ACTR3C: variants seen among roughly 807,000 people sequenced by gnomAD.
The protein encoded by ACTR3C is actin related protein 3C, also known as actin-related protein 3C.
In ACTR3C, 18 loss-of-function variants were observed where a neutral mutation model predicts 26.3. The ratio of observed to expected loss-of-function variants is 0.68; its 90% CI spans 0.47 to 1.01. The LOEUF (loss-of-function observed/expected upper bound fraction) is 1.01, where lower values mean the gene tolerates loss of function less well. Among genes scored for constraint, ACTR3C ranks in the 50% least tolerant of loss-of-function variants. The pLI is 0.00. For missense variants in ACTR3C, 184 were observed against 250.7 expected (o/e 0.73, Z 1.80); for synonymous variants, 55 against 94.5 (o/e 0.58, Z 2.42).
the ACTR3C span, chr7:149,891,163 T>C: frequency 1.6e-6 from 1 of 634,434 alleles, no homozygotes; most frequent in Non-Finnish European, 2.8e-6. Context: ...TTTACAGGAA[T>C]ATATTCCTCT....
the ACTR3C span, among the ~76,000 whole-genome samples, chr7:150,228,495 G>A: frequency 3.0e-4 from 46 of 152,142 alleles, no homozygotes; most frequent in African/African-American, 1.1e-3. Flanking sequence ...TTATCTGGGT[G>A]TACCCAATGT....
chr7:150,015,930 A>G, the ACTR3C span, among the ~76,000 whole-genome samples: 1 of 152,242 alleles, frequency 6.6e-6, no homozygotes, highest in Non-Finnish European at 1.5e-5. Context: ...GTACGCTAAT[A>G]GGATGATGTT....
chr7:150,042,017 G>T, the ACTR3C span, among the ~76,000 whole-genome samples: 1 of 134,272 alleles, frequency 7.4e-6, no homozygotes, highest in Admixed American at 7.7e-5. Context: ...CTCCAGGTGG[G>T]TCCTAAGGAT....
the ACTR3C span, among the ~76,000 whole-genome samples, chr7:149,900,489 T>A: frequency 6.6e-6 from 1 of 151,618 alleles, no homozygotes; most frequent in East Asian, 1.9e-4. Flanking sequence ...TTTCTTTAAT[T>A]AAGAATAAAT....
intron 1 of ACTR3C, among the ~76,000 whole-genome samples, chr7:150,316,258 T>C (rs1265161484): frequency 6.6e-6 from 1 of 152,242 alleles, no homozygotes; most frequent in Non-Finnish European, 1.5e-5. Context: ...TGTACCATAC[T>C]TTCTTTAAGC....
the ACTR3C span, among the ~76,000 whole-genome samples, chr7:150,107,350 C>T: frequency 3.3e-5 from 5 of 151,728 alleles, no homozygotes; most frequent in African/African-American, 9.7e-5. Flanking sequence ...TTGAAGAAGA[C>T]ACAGGGGGAC....
At chr7:150,228,145 T>A in the ACTR3C span, among the ~76,000 whole-genome samples, 1 of 152,192 alleles carries the variant, frequency 6.6e-6, no homozygotes, top group Non-Finnish European at 1.5e-5. Context: ...ACATGGACTA[T>A]CATTCTCGAT....
At chr7:149,956,725 G>C in the ACTR3C span, among the ~76,000 whole-genome samples, 1 of 151,476 alleles carries the variant, frequency 6.6e-6, no homozygotes, top group Non-Finnish European at 1.5e-5. Context: ...TGTAGGCTTG[G>C]ATTTGGAGTG....
the ACTR3C span, among the ~76,000 whole-genome samples, chr7:150,147,306 C>T: frequency 2.0e-5 from 3 of 152,046 alleles, no homozygotes; most frequent in African/African-American, 7.2e-5. Context: ...GATGAATTAT[C>T]TTTTTATACC....
the ACTR3C span, among the ~76,000 whole-genome samples, chr7:149,912,530 T>C: frequency 6.7e-6 from 1 of 149,876 alleles, no homozygotes; most frequent in African/African-American, 2.5e-5. Flanking sequence ...AGACAGAGTT[T>C]CGCTCTTTCG....
intron 6 of ACTR3C, among the ~76,000 whole-genome samples, chr7:150,255,500 G>A (rs1833154743): frequency 1.3e-5 from 2 of 151,282 alleles, no homozygotes; most frequent in African/African-American, 2.5e-5. Context: ...AATATAAACT[G>A]TCAGTCTTGG....
At chr7:150,149,633 G>A in the ACTR3C span, among the ~76,000 whole-genome samples, 1 of 151,916 alleles carries the variant, frequency 6.6e-6, no homozygotes, top group East Asian at 1.9e-4. Flanking sequence ...CAGAATAATG[G>A]TTTCCAGCTT....
the ACTR3C span, among the ~76,000 whole-genome samples, chr7:149,905,215 G>A: frequency 6.6e-6 from 1 of 151,998 alleles, no homozygotes; most frequent in Non-Finnish European, 1.5e-5. Context: ...AACACTGTGA[G>A]TATGGAACGT....
intron 4 of ACTR3C, among the ~76,000 whole-genome samples, chr7:150,288,564 T>C (rs1360430101): frequency 2.7e-5 from 4 of 145,924 alleles, no homozygotes; most frequent in Admixed American, 2.7e-4. Flanking sequence ...CTGACTTACA[T>C]TTCTAACAGA....
the ACTR3C span, among the ~76,000 whole-genome samples, chr7:150,024,856 A>G: frequency 6.7e-6 from 1 of 150,308 alleles, no homozygotes; most frequent in Non-Finnish European, 1.5e-5. Flanking sequence ...CAAATGCACA[A>G]TCAGGGAGCT....
At chr7:149,987,158 T>C in the ACTR3C span, among the ~76,000 whole-genome samples, 1 of 81,494 alleles carries the variant, frequency 1.2e-5, no homozygotes, top group African/African-American at 4.2e-5. Flanking sequence ...TCTTACTGTC[T>C]TTCCCCTTCT....
chr7:150,109,939 G>GGTGTGTGT, the ACTR3C span, among the ~76,000 whole-genome samples: 1 of 145,928 alleles, frequency 6.9e-6, no homozygotes, highest in Admixed American at 6.7e-5. Flanking sequence ...CTTCCCTGAG[G>GGTGTGTGT]CCCCCACACT....
At chr7:150,280,087 G>T (rs1056789069) in intron 6 of ACTR3C, among the ~76,000 whole-genome samples, 13 of 152,346 alleles carry the variant, frequency 8.5e-5, no homozygotes, top group African/African-American at 2.9e-4. Context: ...TGATCCAAGA[G>T]TGGGCTGGCG....
chr7:149,954,141 G>C, the ACTR3C span, among the ~76,000 whole-genome samples: 1 of 150,480 alleles, frequency 6.6e-6, no homozygotes, highest in East Asian at 1.9e-4. Flanking sequence ...TGAAAGTAGT[G>C]ATTACAATGA....
Sources: gnomAD v4.1 joint callset for allele counts (sites outside exome capture counted in the v4.1 genomes callset) on GRCh38, gnomAD v4.1.1 for gene constraint, MANE v1.5 for transcripts, NCBI Gene and HGNC (gene_info 2026-07-23, HGNC 2026-07-21) for gene names.